SNTB1: variants seen among roughly 807,000 people sequenced by gnomAD.
The protein encoded by SNTB1 is syntrophin beta 1.
Under a neutral mutation model 48.9 loss-of-function variants are expected in SNTB1, and 36 were observed. The observed-to-expected ratio is 0.74, with a 90% CI of 0.56 to 0.97. SNTB1 has a LOEUF of 0.97. Ranked by LOEUF, SNTB1 falls within the 50% of genes least tolerant of loss-of-function variation. SNTB1 has a pLI of 0.00. For missense variants in SNTB1, 786 were observed against 703.4 expected, an observed-to-expected ratio of 1.12 and a Z score of -1.33; for synonymous variants, 299 against 294.6, an observed-to-expected ratio of 1.01 and a Z score of -0.15.
chr8:120,702,294 C>T (rs1035933199), intron 1 of SNTB1, among the ~76,000 whole-genome samples: 1 of 152,168 alleles, frequency 6.6e-6, no homozygotes, highest in African/African-American at 2.4e-5. Flanking sequence ...GACAGGAGCC[C>T]GTCCCCTTTC....
chr8:120,542,059 T>G, intron 5 of SNTB1, 59 bp from the exon 6 acceptor site: 1 of 1,406,846 alleles, frequency 7.1e-7, no homozygotes, highest in Non-Finnish European at 9.8e-7. Flanking sequence ...CAATCCATTT[T>G]CCCAATCACT....
At chr8:120,647,411 A>G (rs1318421903) in intron 2 of SNTB1, among the ~76,000 whole-genome samples, 1 of 148,834 alleles carries the variant, frequency 6.7e-6, no homozygotes, top group Non-Finnish European at 1.5e-5. Flanking sequence ...TTCTGCCTTC[A>G]TTTCGTTATG....
intron 3 of SNTB1, among the ~76,000 whole-genome samples, chr8:120,593,345 C>A (rs1316967704): frequency 6.6e-6 from 1 of 152,216 alleles, no homozygotes; most frequent in Non-Finnish European, 1.5e-5. Context: ...CACCACATTT[C>A]TTCTGCCTTC....
chr8:120,632,470 T>G lies in SNTB1; in HGVS notation c.970A>C (p.Arg324=). Residue 324 remains arginine, a synonymous_variant, in exon 3 of 7, where the codon AGG becomes CGG. Transcript: ENST00000517992. ...TTTTCTGCAAGCCAGCCAAGATGCC[T>G]AATCTCTCGGCTCCCAGCAATGCCT... ...KTGIAGSREI[R]HLGWLAEKVP... is the part of the protein sequence containing the mutation. 1 of 1,614,124 alleles carries G rather than the reference T, an allele frequency of 6.2e-7. No homozygotes were observed. Among genetic ancestry groups the G allele is most frequent in the South Asian group, 1.1e-5 (1 of 91,076 alleles).
At chr8:120,670,778 G>A (rs970935709) in intron 2 of SNTB1, among the ~76,000 whole-genome samples, 16 of 152,174 alleles carry the variant, frequency 1.1e-4, no homozygotes, top group African/African-American at 3.6e-4. Flanking sequence ...CTCTGGGTTT[G>A]AGTCTCAGGT....
At chr8:120,634,973 TC>T (rs1253481676) in intron 2 of SNTB1, among the ~76,000 whole-genome samples, 2 of 151,672 alleles carry the variant, frequency 1.3e-5, no homozygotes, top group African/African-American at 4.8e-5. Flanking sequence ...TGCCTCAGCC[TC>T]CCGAGTAGCT....
intron 2 of SNTB1, among the ~76,000 whole-genome samples, chr8:120,674,353 G>A (rs1321179632): frequency 6.6e-6 from 1 of 152,216 alleles, no homozygotes; most frequent in Non-Finnish European, 1.5e-5. Flanking sequence ...GCCAGTCACT[G>A]GGTTGGACAC....
chr8:120,737,174 G>A (rs1818960366), intron 1 of SNTB1, among the ~76,000 whole-genome samples: 2 of 152,138 alleles, frequency 1.3e-5, no homozygotes, highest in Admixed American at 1.3e-4. Context: ...TCTATGCCCA[G>A]GGGGTTGTGA....
At chr8:120,669,415 C>T (rs1442228368) in intron 2 of SNTB1, among the ~76,000 whole-genome samples, 1 of 151,344 alleles carries the variant, frequency 6.6e-6, no homozygotes, top group Non-Finnish European at 1.5e-5. Flanking sequence ...GGTGAAAGCT[C>T]AGTGATCTAT....
intron 1 of SNTB1, among the ~76,000 whole-genome samples, chr8:120,791,250 A>G (rs1820028178): frequency 6.6e-6 from 1 of 151,926 alleles, no homozygotes; most frequent in African/African-American, 2.4e-5. Context: ...GGCCACATGT[A>G]GAAGAATGAA....
chr8:120,656,406 T>C (rs1817504479), intron 2 of SNTB1, among the ~76,000 whole-genome samples: 1 of 152,352 alleles, frequency 6.6e-6, no homozygotes, highest in East Asian at 1.9e-4. Context: ...TTCAGCACTT[T>C]GACCTTTCCT....
At chr8:120,636,774 G>A (rs1192108495) in intron 2 of SNTB1, 1 of 154,606 alleles carries the variant, frequency 6.5e-6, no homozygotes, top group Non-Finnish European at 1.4e-5. Flanking sequence ...GGGATGGCTG[G>A]GTCAAATGGT....
At chr8:120,730,852 G>A (rs1299763591) in intron 1 of SNTB1, among the ~76,000 whole-genome samples, 2 of 152,060 alleles carry the variant, frequency 1.3e-5, no homozygotes, top group African/African-American at 4.8e-5. Flanking sequence ...GGGTGCAGTG[G>A]CTCACACCTA....
At chr8:120,595,019 G>A (rs1298566832) in intron 3 of SNTB1, among the ~76,000 whole-genome samples, 1 of 151,970 alleles carries the variant, frequency 6.6e-6, no homozygotes, top group Non-Finnish European at 1.5e-5. Context: ...GAAGGCAAGA[G>A]TCAAGCAGAA....
chr8:120,655,333 A>T (rs918490422), intron 2 of SNTB1, among the ~76,000 whole-genome samples: 10 of 152,236 alleles, frequency 6.6e-5, no homozygotes, highest in African/African-American at 2.4e-4. Flanking sequence ...GATGTAAAAG[A>T]AAGAGGTAAA....
chr8:120,795,842 C>CCCCAT (rs1217065275), intron 1 of SNTB1, among the ~76,000 whole-genome samples: 8 of 151,950 alleles, frequency 5.3e-5, no homozygotes, highest in African/African-American at 1.9e-4. Context: ...GATGCATCAT[C>CCCCAT]CCCATCCCTG....
chr8:120,793,988 A>G (rs1056596932), intron 1 of SNTB1, among the ~76,000 whole-genome samples: 4 of 152,046 alleles, frequency 2.6e-5, no homozygotes, highest in African/African-American at 9.7e-5. Flanking sequence ...AAATGTTTTT[A>G]TACTGTAGAA....
At chr8:120,811,167 G>A in intron 1 of SNTB1, 106 bp downstream of exon 1, 1 of 1,426,596 alleles carries the variant, frequency 7.0e-7, no homozygotes, top group Non-Finnish European at 9.3e-7. Context: ...CGGCCCCCTG[G>A]GGTGTGTCCG....
intron 2 of SNTB1, among the ~76,000 whole-genome samples, chr8:120,655,282 T>C (rs1310897955): frequency 6.6e-6 from 1 of 152,142 alleles, no homozygotes; most frequent in Non-Finnish European, 1.5e-5. Flanking sequence ...AAAGCAAAAA[T>C]TAGATTGTTT....
Sources: gnomAD v4.1 joint callset for allele counts (sites outside exome capture counted in the v4.1 genomes callset) on GRCh38, gnomAD v4.1.1 for gene constraint, MANE v1.5 for transcripts, NCBI Gene and HGNC (gene_info 2026-07-23, HGNC 2026-07-21) for gene names.